Variants in DCPH1 observed in about 807,000 individuals in gnomAD.
The protein encoded by DCPH1 is damage control phosphatase 1.
At chr6:151,462,008 G>A in the DCPH1 span, among the ~76,000 whole-genome samples, 1 of 152,062 alleles carries the variant, frequency 6.6e-6, no homozygotes, top group Non-Finnish European at 1.5e-5. Flanking sequence ...TAGGTCAATG[G>A]CAACTCCAGA....
chr6:151,456,170 C>T, the DCPH1 span, among the ~76,000 whole-genome samples: 1 of 152,234 alleles, frequency 6.6e-6, no homozygotes, highest in Non-Finnish European at 1.5e-5. Context: ...TCTGATCTCT[C>T]TTGCTTTTCC....
the DCPH1 span, among the ~76,000 whole-genome samples, chr6:151,457,109 C>A: frequency 6.6e-6 from 1 of 152,138 alleles, no homozygotes; most frequent in Non-Finnish European, 1.5e-5. Flanking sequence ...TTCCTAAGCC[C>A]CCACCTATAG....
chr6:151,458,647 A>T, the DCPH1 span: 1 of 1,291,234 alleles, frequency 7.7e-7, no homozygotes, highest in Non-Finnish European at 1.1e-6. Flanking sequence ...GGATAAGTTT[A>T]AAAATAAGCA....
the DCPH1 span, among the ~76,000 whole-genome samples, chr6:151,453,662 C>T: frequency 9.5e-3 from 1,450 of 152,232 alleles, 24 homozygotes; most frequent in African/African-American, 0.033. Context: ...TAACAATTGT[C>T]TCCTGTGATC....
the DCPH1 span, among the ~76,000 whole-genome samples, chr6:151,466,666 C>T: frequency 3.3e-5 from 5 of 152,176 alleles, no homozygotes; most frequent in Admixed American, 1.3e-4. Flanking sequence ...GTGCTGGGCA[C>T]GTAGTGGTAA....
the DCPH1 span, chr6:151,454,550 C>G: frequency 7.1e-7 from 1 of 1,399,878 alleles, no homozygotes; most frequent in Non-Finnish European, 1.0e-6. Flanking sequence ...TTTTCTAGAT[C>G]ATTTGCATAT....
the DCPH1 span, chr6:151,452,657 C>T: frequency 1.4e-6 from 2 of 1,444,558 alleles, no homozygotes; most frequent in Non-Finnish European, 1.9e-6. Context: ...GGGGACTAAG[C>T]GGAGGGCGCC....
the DCPH1 span, among the ~76,000 whole-genome samples, chr6:151,453,704 G>A: frequency 1.3e-5 from 2 of 152,156 alleles, no homozygotes; most frequent in Admixed American, 1.3e-4. Context: ...GCTAAGCTCT[G>A]TGCTCTATAT....
At chr6:151,452,487 C>T in the DCPH1 span, 5 of 1,592,592 alleles carry the variant, frequency 3.1e-6, no homozygotes, top group Non-Finnish European at 4.3e-6. Context: ...GCGGCGGTAC[C>T]GCCTCTGTTT....
At chr6:151,463,021 CTG>C in the DCPH1 span, among the ~76,000 whole-genome samples, 1 of 152,232 alleles carries the variant, frequency 6.6e-6, no homozygotes, top group Non-Finnish European at 1.5e-5. Flanking sequence ...ATGAGCATGG[CTG>C]TGTTCTAAAG....
At chr6:151,461,685 C>T in the DCPH1 span, among the ~76,000 whole-genome samples, 1 of 152,110 alleles carries the variant, frequency 6.6e-6, no homozygotes, top group African/African-American at 2.4e-5. Flanking sequence ...AAAAACACCA[C>T]ATAGTTTTAG....
chr6:151,454,560 T>A, the DCPH1 span: 28 of 1,480,412 alleles, frequency 1.9e-5, no homozygotes, highest in Non-Finnish European at 2.5e-5. Context: ...CATTTGCATA[T>A]CTTACAATTA....
the DCPH1 span, among the ~76,000 whole-genome samples, chr6:151,464,112 G>A: frequency 6.6e-6 from 1 of 152,142 alleles, no homozygotes; most frequent in Non-Finnish European, 1.5e-5. Context: ...GTTAAAAAAT[G>A]TTTGTTGAAC....
the DCPH1 span, chr6:151,469,971 A>C: frequency 6.6e-6 from 1 of 152,214 alleles, no homozygotes; most frequent in East Asian, 1.9e-4. Context: ...ATATTCTTAC[A>C]CATTTTATTG....
the DCPH1 span, chr6:151,454,715 T>A: frequency 1.3e-6 from 1 of 791,180 alleles, no homozygotes; most frequent in South Asian, 1.6e-5. Flanking sequence ...AATAAATAGT[T>A]CTTGAAGGTA....
chr6:151,468,884 A>T, the DCPH1 span: 1 of 1,613,876 alleles, frequency 6.2e-7, no homozygotes, highest in Non-Finnish European at 8.5e-7. Context: ...TTCAAGGGTG[A>T]TTTGAATTAC....
At chr6:151,455,311 A>C in the DCPH1 span, among the ~76,000 whole-genome samples, 2 of 152,224 alleles carry the variant, frequency 1.3e-5, no homozygotes, top group Non-Finnish European at 2.9e-5. Context: ...TAGAGAAAGA[A>C]ATAAGGGGAC....
At chr6:151,468,883 G>A in the DCPH1 span, 1 of 1,613,882 alleles carries the variant, frequency 6.2e-7, no homozygotes. Flanking sequence ...ATTCAAGGGT[G>A]ATTTGAATTA....
chr6:151,455,733 C>G, the DCPH1 span, among the ~76,000 whole-genome samples: 6 of 152,210 alleles, frequency 3.9e-5, no homozygotes, highest in Non-Finnish European at 7.3e-5. Flanking sequence ...TCCTCTTACA[C>G]TAATCCTCCT....
Sources: allele counts gnomAD v4.1 joint callset (sites outside exome capture counted in the v4.1 genomes callset), GRCh38; gene constraint gnomAD v4.1.1; transcripts MANE v1.5; gene names NCBI Gene and HGNC (gene_info 2026-07-23, HGNC 2026-07-21).